Variants in CCSER1 observed in about 807,000 individuals in gnomAD.
The protein encoded by CCSER1 is serine-rich coiled-coil domain-containing protein 1.
In CCSER1, 41 loss-of-function variants were observed where a neutral mutation model predicts 82.0. The ratio of observed to expected loss-of-function variants is 0.50; its 90% CI spans 0.39 to 0.65. The LOEUF is 0.65. Among genes scored for constraint, CCSER1 ranks in the 30% least tolerant of loss-of-function variants. The pLI is 0.00. For missense variants in CCSER1, 1,119 were observed against 1,064.2 expected (o/e 1.05, Z -0.72); for synonymous variants, 414 against 383.9 (o/e 1.08, Z -0.92).
intron 4 of CCSER1, among the ~76,000 whole-genome samples, chr4:90,466,417 C>A (rs28631611): frequency 0.037 from 5,568 of 152,220 alleles, 225 homozygotes; most frequent in African/African-American, 0.1. Context: ...GTAAAAGGAG[C>A]CTTGAATCCT....
intron 3 of CCSER1, among the ~76,000 whole-genome samples, chr4:90,391,272 CAAAAAAAAA>C (rs1215360899): frequency 2.9e-5 from 1 of 35,034 alleles, no homozygotes; most frequent in Non-Finnish European, 4.5e-5. Flanking sequence ...GACTCTGTCT[CAAAAAAAAA>C]AAAAAGAAAA....
intron 4 of CCSER1, among the ~76,000 whole-genome samples, chr4:90,440,145 A>G (rs1030899078): frequency 2.0e-5 from 3 of 152,102 alleles, no homozygotes; most frequent in African/African-American, 7.2e-5. Context: ...CTGGGGCTAC[A>G]GTAGTGTGCC....
At position 90,312,918 on chromosome 4, in the gene CCSER1, G is replaced by A. The variant is rs764566128; in HGVS notation, c.1380G>A (p.Leu460=). Residue 460 remains leucine, a synonymous_variant, in exon 3 of 11, where the codon CTG becomes CTA. Transcript: ENST00000509176. ...FREGRFIERR[L]RSSSEGTAGS... ...AAGGAAGATTTATAGAGAGGAGACT[G>A]CGATCCTCGTCAGAAGGCACTGCAG... 42 of 1,585,746 alleles carry A rather than the reference G, an allele frequency of 2.6e-5. No homozygotes were observed. The highest frequency in any genetic ancestry group is 3.6e-5 in the Admixed American group (2 of 55,608).
At chr4:90,598,851 C>G (rs544270098) in intron 5 of CCSER1, among the ~76,000 whole-genome samples, 3 of 152,114 alleles carry the variant, frequency 2.0e-5, no homozygotes, top group East Asian at 1.9e-4. Flanking sequence ...GCACCTTGTT[C>G]CCAGAGTAGG....
intron 3 of CCSER1, among the ~76,000 whole-genome samples, chr4:90,399,345 A>T (rs1334045701): frequency 6.6e-6 from 1 of 152,102 alleles, no homozygotes; most frequent in Non-Finnish European, 1.5e-5. Flanking sequence ...TTATGGTATA[A>T]TGCAAGTCAA....
chr4:90,828,760 C>T (rs533620930), intron 8 of CCSER1, among the ~76,000 whole-genome samples: 7 of 152,186 alleles, frequency 4.6e-5, no homozygotes, highest in Admixed American at 3.9e-4. Context: ...TCTCCTATAG[C>T]CTCAATATCT....
chr4:90,881,299 C>T (rs903351773), intron 8 of CCSER1, among the ~76,000 whole-genome samples: 2 of 151,730 alleles, frequency 1.3e-5, no homozygotes, highest in African/African-American at 4.8e-5. Context: ...GAGGCAGAGA[C>T]TGAGACAGAC....
At chr4:90,631,321 T>C (rs1724380382) in intron 6 of CCSER1, among the ~76,000 whole-genome samples, 1 of 152,196 alleles carries the variant, frequency 6.6e-6, no homozygotes, top group Non-Finnish European at 1.5e-5. Context: ...ACATGAGTAT[T>C]GCATTTGTAT....
At chr4:90,278,946 G>C (rs945179059) in intron 1 of CCSER1, among the ~76,000 whole-genome samples, 2 of 152,160 alleles carry the variant, frequency 1.3e-5, no homozygotes, top group Non-Finnish European at 2.9e-5. Flanking sequence ...TGACCCTAGG[G>C]TTTTTCCATA....
rs1758333930 is a variant in CCSER1 at position 91,488,330 on chromosome 4, A to T, written c.2218-110242A>T. Reference sequence around the variant, plus strand: ...ATTATTCATGGATCCCTAAATATGAATTTTCTATAGCCAATCCAACTACCA... The same window carrying T: ...ATTATTCATGGATCCCTAAATATGATTTTTCTATAGCCAATCCAACTACCA... On this transcript the variant is annotated intron_variant, in intron 10 of 10. Transcript: ENST00000509176. 7.9e-5 allele frequency among the ~76,000 whole-genome samples: 12 copies of T among 152,256 alleles called. No homozygotes were observed. In the South Asian group the frequency reaches 1.2e-3, roughly 16 times the overall value.
At chr4:90,968,085 C>T (rs1290795320) in intron 9 of CCSER1, among the ~76,000 whole-genome samples, 1 of 151,774 alleles carries the variant, frequency 6.6e-6, no homozygotes, top group East Asian at 1.9e-4. Context: ...CCTTCCAAAC[C>T]TCACAGATAA....
At chr4:90,313,111 C>A in intron 3 of CCSER1, 64 bp downstream of exon 3, 1 of 1,287,558 alleles carries the variant, frequency 7.8e-7, no homozygotes, top group African/African-American at 1.5e-5. Flanking sequence ...ATGTTCATGT[C>A]TCTTGCAAAA....
chr4:90,359,853 GTA>G (rs1386796974), intron 3 of CCSER1, among the ~76,000 whole-genome samples: 7 of 149,412 alleles, frequency 4.7e-5, no homozygotes, highest in South Asian at 4.2e-4. Flanking sequence ...ATATATGTGT[GTA>G]TATATATGTG....
At chr4:90,696,743 T>C (rs1304951456) in intron 6 of CCSER1, among the ~76,000 whole-genome samples, 2 of 152,152 alleles carry the variant, frequency 1.3e-5, no homozygotes, top group Admixed American at 1.3e-4. Flanking sequence ...CAACAACCTT[T>C]AAGAGTGGGT....
At chr4:91,466,135 C>T (rs749018942) in intron 10 of CCSER1, among the ~76,000 whole-genome samples, 5 of 152,094 alleles carry the variant, frequency 3.3e-5, no homozygotes, top group Admixed American at 1.3e-4. Flanking sequence ...TCAGGGAGCA[C>T]GTCAAAAAGC....
chr4:90,517,054 T>C (rs1056618908), intron 5 of CCSER1, among the ~76,000 whole-genome samples: 1 of 152,146 alleles, frequency 6.6e-6, no homozygotes, highest in Non-Finnish European at 1.5e-5. Flanking sequence ...CGAAAATACA[T>C]TTAATCCACC....
rs963287173 is a variant in CCSER1, at chr4:91,602,643, C to T, written c.*3586C>T. On this transcript the variant is annotated 3_prime_UTR_variant, in exon 11 of 11. Coordinates refer to ENST00000509176, the MANE Select transcript of CCSER1 (RefSeq NM_001145065.2). Reference sequence around the variant, plus strand: ...TAAATTTTTACTACTTTTTCACTTTCAGAACTTAACATTCTAAACAGCTAT... The same window carrying T: ...TAAATTTTTACTACTTTTTCACTTTTAGAACTTAACATTCTAAACAGCTAT... 2.0e-5 allele frequency among the ~76,000 whole-genome samples: 3 copies of T among 151,930 alleles called. No individual in the cohort carries two copies. The highest frequency in any genetic ancestry group is 7.2e-5 in the African/African-American group (3 of 41,416).
intron 1 of CCSER1, among the ~76,000 whole-genome samples, chr4:90,219,887 G>A (rs913298982): frequency 5.3e-5 from 8 of 152,126 alleles, no homozygotes; most frequent in Non-Finnish European, 1.2e-4. Context: ...AGATCTACGG[G>A]AAATAGCGTA....
intron 9 of CCSER1, among the ~76,000 whole-genome samples, chr4:90,937,470 T>C (rs148158309): frequency 8.7e-6 from 1 of 114,918 alleles, no homozygotes; most frequent in East Asian, 2.9e-4. Flanking sequence ...GTGTTGTATT[T>C]CTAATTTGAA....
Sources: gnomAD v4.1 joint callset for allele counts (sites outside exome capture counted in the v4.1 genomes callset) on GRCh38, gnomAD v4.1.1 for gene constraint, MANE v1.5 for transcripts, NCBI Gene and HGNC (gene_info 2026-07-23, HGNC 2026-07-21) for gene names.